Variants in UNC5C observed in about 807,000 individuals in gnomAD.
UNC5C encodes the protein unc-5 netrin receptor C, also known as netrin receptor UNC5C.
In UNC5C, 47 loss-of-function variants were observed where a neutral mutation model predicts 99.8. The observed-to-expected ratio is 0.47, with a 90% confidence interval of 0.37 to 0.60. The LOEUF is 0.60. UNC5C is among the 20% of genes least tolerant of loss of function. UNC5C has a pLI of 0.00. For missense variants in UNC5C, 1,062 were observed against 1,165.9 expected (o/e 0.91, Z 1.30); for synonymous variants, 487 against 452.2 (o/e 1.08, Z -0.98).
chr4:95,262,718 T>C (rs888918440), intron 4 of UNC5C, among the ~76,000 whole-genome samples: 20 of 152,304 alleles, frequency 1.3e-4, no homozygotes, highest in African/African-American at 4.8e-4. Context: ...CCAATGGAAA[T>C]TTTTATGCCT....
At chr4:95,487,711 TG>T (rs1317960952) in intron 1 of UNC5C, among the ~76,000 whole-genome samples, 1 of 151,654 alleles carries the variant, frequency 6.6e-6, no homozygotes, top group Non-Finnish European at 1.5e-5. Flanking sequence ...AATCTAAATT[TG>T]GGGTCTAAAT....
chr4:95,163,324 T>G lies in UNC5C; in HGVS notation c.*5910A>C, dbSNP rs151305179. ...ACACCAGCTGTAGATTTCTTGCTCT[T>G]ATATGTCACTCCGAACAGAGTTGTT... On this transcript the variant is annotated 3_prime_UTR_variant, in exon 16 of 16. Coordinates refer to ENST00000453304, the MANE Select transcript of UNC5C (RefSeq NM_003728.4). The G allele has an allele frequency of 6.6e-6, 1 of 152,214 alleles. No homozygotes were observed. The highest frequency in any genetic ancestry group is 2.1e-4 in the South Asian group (1 of 4,828). The allele number at this position is 152,214 out of a possible 1,614,324, so 9.4% of individuals were successfully genotyped here. A position where few individuals can be genotyped will look rare whatever the true frequency, so the allele number is the denominator to read the frequency against.
At chr4:95,454,277 A>G (rs1381423587) in intron 1 of UNC5C, among the ~76,000 whole-genome samples, 1 of 151,514 alleles carries the variant, frequency 6.6e-6, no homozygotes, top group East Asian at 2.0e-4. Flanking sequence ...CTTCACTCTG[A>G]TTTTCTGTTT....
intron 7 of UNC5C, among the ~76,000 whole-genome samples, chr4:95,223,958 C>T (rs1332803397): frequency 6.6e-6 from 1 of 152,130 alleles, no homozygotes; most frequent in East Asian, 1.9e-4. Flanking sequence ...TTTACAAATG[C>T]TATGATGCTC....
chr4:95,335,025 C>T (rs1348138828), intron 2 of UNC5C, among the ~76,000 whole-genome samples: 2 of 151,922 alleles, frequency 1.3e-5, no homozygotes, highest in African/African-American at 2.4e-5. Flanking sequence ...AATGTAAACA[C>T]GTTCAATTTA....
At chr4:95,295,104 G>A (rs557797192) in intron 3 of UNC5C, among the ~76,000 whole-genome samples, 9 of 152,242 alleles carry the variant, frequency 5.9e-5, no homozygotes, top group Admixed American at 1.3e-4. Flanking sequence ...CATCAAGAGC[G>A]GCACTATTGA....
intron 1 of UNC5C, among the ~76,000 whole-genome samples, chr4:95,343,433 G>A (rs1025386834): frequency 1.9e-4 from 29 of 152,138 alleles, no homozygotes; most frequent in African/African-American, 7.0e-4. Context: ...CTATGAGTCT[G>A]CAAAAGTCAT....
At chr4:95,464,290 A>T (rs998809154) in intron 1 of UNC5C, among the ~76,000 whole-genome samples, 7 of 152,232 alleles carry the variant, frequency 4.6e-5, no homozygotes, top group African/African-American at 1.4e-4. Flanking sequence ...AGTTGGAACA[A>T]GAGCATCATT....
intron 1 of UNC5C, among the ~76,000 whole-genome samples, chr4:95,388,063 A>T (rs1745259289): frequency 6.6e-6 from 1 of 152,196 alleles, no homozygotes; most frequent in Admixed American, 6.5e-5. Flanking sequence ...AAATACTATA[A>T]ACATTAAACA....
chr4:95,413,641 G>C (rs993604974), intron 1 of UNC5C, among the ~76,000 whole-genome samples: 7 of 152,152 alleles, frequency 4.6e-5, no homozygotes, highest in African/African-American at 1.4e-4. Context: ...GTGTTTTCTG[G>C]GACTGTGTTC....
intron 1 of UNC5C, among the ~76,000 whole-genome samples, chr4:95,419,264 C>A (rs775758000): frequency 3.9e-5 from 6 of 152,034 alleles, no homozygotes; most frequent in Non-Finnish European, 8.8e-5. Context: ...AAGGTAACCC[C>A]ATAATGTCAA....
chr4:95,178,298 C>G (rs1433725660), intron 14 of UNC5C, among the ~76,000 whole-genome samples: 3 of 152,226 alleles, frequency 2.0e-5, no homozygotes, highest in Admixed American at 2.0e-4. Context: ...TCCTCAAAGC[C>G]TGGTCCAAAA....
chr4:95,312,314 T>C (rs756871069), intron 2 of UNC5C, among the ~76,000 whole-genome samples: 4 of 152,174 alleles, frequency 2.6e-5, no homozygotes, highest in Non-Finnish European at 5.9e-5. Context: ...TCCTATGCAT[T>C]CTGTATCCAT....
intron 1 of UNC5C, among the ~76,000 whole-genome samples, chr4:95,493,134 A>C (rs182776887): frequency 1.1e-4 from 17 of 151,640 alleles, no homozygotes; most frequent in African/African-American, 3.9e-4. Flanking sequence ...CTTAATTCCA[A>C]ATTAAAATAA....
At chr4:95,525,274 C>T (rs1229214168) in intron 1 of UNC5C, among the ~76,000 whole-genome samples, 1 of 152,128 alleles carries the variant, frequency 6.6e-6, no homozygotes, top group Non-Finnish European at 1.5e-5. Flanking sequence ...CCTAGGAATG[C>T]TCAAGTACTA....
At chr4:95,321,584 G>C (rs1414830340) in intron 2 of UNC5C, among the ~76,000 whole-genome samples, 1 of 152,036 alleles carries the variant, frequency 6.6e-6, no homozygotes, top group Non-Finnish European at 1.5e-5. Context: ...TGTGAAATAA[G>C]GATGAATCAA....
chr4:95,279,794 G>C (rs1437444202), intron 3 of UNC5C, among the ~76,000 whole-genome samples: 1 of 152,120 alleles, frequency 6.6e-6, no homozygotes, highest in Admixed American at 6.5e-5. Flanking sequence ...CTCTAGAGCA[G>C]TGGTCCCTAA....
chr4:95,271,278 A>T (rs1486651883), intron 4 of UNC5C, among the ~76,000 whole-genome samples: 1 of 150,634 alleles, frequency 6.6e-6, no homozygotes, highest in Admixed American at 6.6e-5. Context: ...CCCAGGCTGG[A>T]GTGCAGTGGC....
At chr4:95,186,517 CA>C (rs1309928061) in intron 12 of UNC5C, among the ~76,000 whole-genome samples, 1 of 152,190 alleles carries the variant, frequency 6.6e-6, no homozygotes, top group African/African-American at 2.4e-5. Flanking sequence ...TGATTACATG[CA>C]AACAGCTCAT....
Sources: allele counts gnomAD v4.1 joint callset (sites outside exome capture counted in the v4.1 genomes callset), GRCh38; gene constraint gnomAD v4.1.1; transcripts MANE v1.5; gene names NCBI Gene and HGNC (gene_info 2026-07-23, HGNC 2026-07-21).